Variants in BRD4 observed in about 807,000 individuals in gnomAD.
BRD4 encodes bromodomain-containing protein 4.
BRD4 carries 16 observed loss-of-function variants against 142.1 expected under a neutral mutation model. That is an observed-to-expected ratio of 0.11 (90% confidence interval 0.08 to 0.17). The LOEUF (loss-of-function observed/expected upper bound fraction) is 0.17. Ranked by LOEUF, BRD4 falls within the 10% of genes least tolerant of loss-of-function variation. The pLI, the probability that BRD4 is intolerant of heterozygous loss-of-function variation, is 1.00. For synonymous variants in BRD4, 833 were observed against 707.5 expected (o/e 1.18, Z -2.82); for missense variants, 1,424 against 1,810.9 (o/e 0.79, Z 3.88).
At chr19:15,330,896 C>G (rs1160070930) in intron 1 of BRD4, among the ~76,000 whole-genome samples, 1 of 152,180 alleles carries the variant, frequency 6.6e-6, no homozygotes, top group East Asian at 1.9e-4. Context: ...CGGTAGGGAA[C>G]TTGACAGCTC....
Position 15,254,135 on chromosome 19 carries a change from A to G in BRD4, c.2158+17T>C. On this transcript the variant is annotated intron_variant, in intron 11 of 19. Transcript: ENST00000679869. ...GGGAAGAGTTTGGTAAGACACGTAGAACACAAGTCACCTAACCTGTTTCGG... is the reference window on the plus strand; with the variant it reads ...GGGAAGAGTTTGGTAAGACACGTAGGACACAAGTCACCTAACCTGTTTCGG... 2 of 1,604,680 alleles carry G rather than the reference A, an allele frequency of 1.2e-6. No individual in the cohort carries two copies. The highest frequency in any genetic ancestry group is 1.7e-6 in the Non-Finnish European group (2 of 1,171,416).
intron 1 of BRD4, among the ~76,000 whole-genome samples, chr19:15,294,791 G>C (rs1024218149): frequency 1.3e-5 from 2 of 152,242 alleles, no homozygotes; most frequent in South Asian, 2.1e-4. Flanking sequence ...CAACATCCAA[G>C]GTGCCTGGGA....
chr19:15,280,483 C>T (rs2047695279), intron 1 of BRD4: 1 of 1,002,700 alleles, frequency 1.0e-6, no homozygotes, highest in African/African-American at 1.7e-5. Context: ...GAGCCAAGAC[C>T]TCTCCCTGCA....
rs1355590466 is a variant in BRD4 at position 15,243,577 on chromosome 19, C to T, written c.2582-90G>A. On this transcript the variant is annotated intron_variant, in intron 13 of 19. Transcript: ENST00000679869. Reference sequence around the variant, plus strand: ...CTCCATCCTGACCTCATCTGGACTCCAGTGCTCTCCTACTGGCCTCCCTCA... The same window carrying T: ...CTCCATCCTGACCTCATCTGGACTCTAGTGCTCTCCTACTGGCCTCCCTCA... 3.5e-6 allele frequency: 5 copies of T among 1,424,842 alleles called. No homozygotes were observed. The Admixed American group carries it at 9.7e-5, about 28-fold the overall frequency. The allele number at this position is 1,424,842 out of a possible 1,614,324, so 88.3% of individuals were successfully genotyped here.
Position 15,243,505 on chromosome 19 carries a change from C to G in BRD4, c.2582-18G>C. The G allele has an allele frequency of 6.5e-7, 1 of 1,538,908 alleles. No individual in the cohort carries two copies. Among genetic ancestry groups the G allele is most frequent in the Non-Finnish European group, 8.7e-7 (1 of 1,146,492 alleles). On this transcript the variant is annotated intron_variant, in intron 13 of 19. Transcript: ENST00000679869. ...GTGCAAAGCTGGAAGAACACAACAC[C>G]GAGGCGGTGAGGCCTGAGCACCTGT... is the stretch of plus-strand genomic sequence containing the variant.
At chr19:15,270,754 TGAA>T (rs1055642756) in intron 2 of BRD4, among the ~76,000 whole-genome samples, 9 of 152,146 alleles carry the variant, frequency 5.9e-5, no homozygotes, top group African/African-American at 1.9e-4. Flanking sequence ...TAACATCTCC[TGAA>T]GAAGGAAGTC....
At chr19:15,253,876 C>A in intron 11 of BRD4, 1 of 1,131,242 alleles carries the variant, frequency 8.8e-7, no homozygotes, top group Middle Eastern at 2.5e-4. Flanking sequence ...ATCCAGGGCT[C>A]CGCAGTGTCA....
intron 7 of BRD4, among the ~76,000 whole-genome samples, chr19:15,259,139 A>T (rs893764414): frequency 6.6e-6 from 1 of 152,128 alleles, no homozygotes; most frequent in African/African-American, 2.4e-5. Flanking sequence ...CAGGTCCCAA[A>T]ATGACTCCAA....
Position 15,259,056 on chromosome 19 carries a change from A to G in BRD4, c.1342-1883T>C, listed in dbSNP as rs2047442046. ...ATCAGAGTGGAGGCCCCAGTGAGAGAGTAAGACAGATCCCTAGCCCTGCAG... is the reference window on the plus strand; with the variant it reads ...ATCAGAGTGGAGGCCCCAGTGAGAGGGTAAGACAGATCCCTAGCCCTGCAG... On this transcript the variant is annotated intron_variant, in intron 7 of 19. Transcript: ENST00000679869. 2.0e-5 allele frequency among the ~76,000 whole-genome samples: 3 copies of G among 152,044 alleles called. No homozygotes were observed. In the South Asian group the frequency reaches 6.2e-4, roughly 32 times the overall value.
intron 13 of BRD4, 51 bp from the exon 14 acceptor site, chr19:15,243,538 G>T (rs748893436): frequency 6.7e-7 from 1 of 1,492,752 alleles, no homozygotes; most frequent in East Asian, 2.5e-5. Flanking sequence ...TGTGGCCCCA[G>T]CCTGGCCTTT....
At position 15,332,402 on chromosome 19, in the gene BRD4, A is replaced by C. The variant is rs1225574515; in HGVS notation, c.-147T>G. The C allele has an allele frequency of 7.0e-6, 1 of 143,574 alleles. No individual in the cohort carries two copies. The highest frequency in any genetic ancestry group is 2.5e-5 in the African/African-American group (1 of 39,504). 8.9% of individuals were successfully genotyped at this position (143,574 alleles called of 1,614,324 possible). A position where few individuals can be genotyped will look rare whatever the true frequency, so the allele number is the denominator to read the frequency against. ...CCGCCCGCCGCTCTGCCGAGCTCAC[A>C]GGCCGCGCTCGCCCGCGGGCACCGC... On this transcript the variant is annotated 5_prime_UTR_variant, in exon 1 of 20. Transcript: ENST00000679869.
chr19:15,240,563 A>G (rs2047230685), intron 14 of BRD4, among the ~76,000 whole-genome samples: 1 of 152,196 alleles, frequency 6.6e-6, no homozygotes, highest in African/African-American at 2.4e-5. Context: ...CCCCCACGGA[A>G]GAGAGAAGCC....
In BRD4 at chr19:15,244,705, T is replaced by C. The variant is rs200422540; in HGVS notation, c.2211+5A>G. ...CTAATGAAGGATGCCCCTGAGCCCA[T>C]GTACCTTCTTCTGCTCCCTCCCGGG... On this transcript the variant is annotated splice_donor_5th_base_variant and intron_variant, in intron 12 of 19. Transcript: ENST00000679869. 5.4e-5 allele frequency: 87 copies of C among 1,614,018 alleles called. No individual in the cohort carries two copies. Among genetic ancestry groups the C allele is most frequent in the Non-Finnish European group, 6.9e-5 (82 of 1,180,016 alleles).
intron 11 of BRD4, chr19:15,247,489 G>C (rs1442243014): frequency 4.3e-6 from 1 of 233,182 alleles, no homozygotes; most frequent in East Asian, 6.0e-5. Flanking sequence ...GAAGGACAGG[G>C]TCCCTGGACA....
intron 1 of BRD4, among the ~76,000 whole-genome samples, chr19:15,291,117 G>A (rs2047779051): frequency 1.3e-5 from 2 of 152,096 alleles, no homozygotes. Context: ...CCTAACATGT[G>A]TCTACTGGGC....
At chr19:15,242,668 G>A (rs1192507805) in intron 14 of BRD4, among the ~76,000 whole-genome samples, 1 of 152,120 alleles carries the variant, frequency 6.6e-6, no homozygotes, top group Non-Finnish European at 1.5e-5. Context: ...TGACTCAAGA[G>A]AGGGACCAGA....
intron 5 of BRD4, 133 bp downstream of exon 5, chr19:15,265,221 T>C: frequency 3.2e-6 from 3 of 941,714 alleles, no homozygotes; most frequent in Non-Finnish European, 4.5e-6. Flanking sequence ...GGCTGCAATT[T>C]CAACACAGCA....
At chr19:15,322,778 AATAG>A (rs1039006773) in intron 1 of BRD4, among the ~76,000 whole-genome samples, 2 of 150,302 alleles carry the variant, frequency 1.3e-5, no homozygotes, top group African/African-American at 4.9e-5. Flanking sequence ...GAAGCAGGAG[AATAG>A]CGTGAACCTG....
intron 10 of BRD4, among the ~76,000 whole-genome samples, chr19:15,255,038 C>T (rs1345427734): frequency 6.6e-6 from 1 of 152,154 alleles, no homozygotes; most frequent in Non-Finnish European, 1.5e-5. Context: ...GAAAGCAGCT[C>T]CGGCTTAGAA....
Sources: gnomAD v4.1 joint callset for allele counts (sites outside exome capture counted in the v4.1 genomes callset) on GRCh38, gnomAD v4.1.1 for gene constraint, MANE v1.5 for transcripts, NCBI Gene and HGNC (gene_info 2026-07-23, HGNC 2026-07-21) for gene names.